The following ARRDC2 variants were observed in gnomAD, a reference collection of about 807,000 sequenced individuals.
ARRDC2 encodes arrestin domain-containing protein 2.
ARRDC2 carries 39 observed loss-of-function variants against 38.9 expected under a neutral mutation model. The ratio of observed to expected loss-of-function variants is 1.00; its 90% CI spans 0.78 to 1.31. ARRDC2 has a LOEUF of 1.31. Ranked by LOEUF, ARRDC2 falls within the 50% of genes most tolerant of loss-of-function variation. The pLI is 0.00. For synonymous variants in ARRDC2, 300 were observed against 261.9 expected (o/e 1.15, Z -1.41); for missense variants, 553 against 588.4 (o/e 0.94, Z 0.62).
upstream of ARRDC2, among the ~76,000 whole-genome samples, chr19:18,005,790 C>T (rs1185059744): frequency 6.6e-5 from 10 of 151,652 alleles, no homozygotes; most frequent in African/African-American, 1.7e-4. Context: ...CCCTCCTGGA[C>T]GGGGTGGCTG....
In ARRDC2 at chr19:18,010,336, G is replaced by C; in HGVS notation, c.990G>C (p.Gly330=). ...HASFLLDWRL[G]ALPERPEAPP... ...GCTTCCTGCTGGACTGGAGGCTGGG[G>C]GCCTTGCCGGAGCGGCCTGAGGGTA... Residue 330 remains glycine, a synonymous_variant, in exon 6 of 8, where the codon GGG becomes GGC. Coordinates refer to ENST00000222250, the MANE Select transcript of ARRDC2 (RefSeq NM_015683.2). 6.2e-7 allele frequency: 1 copy of C among 1,611,256 alleles called. No individual in the cohort carries two copies. Among genetic ancestry groups the C allele is most frequent in the Non-Finnish European group, 8.5e-7 (1 of 1,179,962 alleles).
At chr19:18,003,595 G>A (rs2033219068), upstream of ARRDC2, among the ~76,000 whole-genome samples, 2 of 151,830 alleles carry the variant, frequency 1.3e-5, no homozygotes, top group East Asian at 1.9e-4. Flanking sequence ...CGAGTAGCTG[G>A]GATTATAGGT....
upstream of ARRDC2, among the ~76,000 whole-genome samples, chr19:18,006,433 G>C (rs10423375): frequency 0.31 from 47,423 of 152,112 alleles, 8,834 homozygotes; most frequent in African/African-American, 0.53. Flanking sequence ...GAGACCAGCC[G>C]GGCCAACACA....
upstream of ARRDC2, among the ~76,000 whole-genome samples, chr19:18,006,078 GA>G (rs1288902502): frequency 6.6e-6 from 1 of 151,922 alleles, no homozygotes; most frequent in East Asian, 1.9e-4. Context: ...TGGCGGCCGG[GA>G]AGAGGCGCTC....
intron 7 of ARRDC2, among the ~76,000 whole-genome samples, chr19:18,011,952 ATT>A (rs71164342): frequency 2.3e-4 from 23 of 100,750 alleles, no homozygotes; most frequent in African/African-American, 9.4e-4. Flanking sequence ...ATATATATAT[ATT>A]TTTTTTTTTT....
upstream of ARRDC2, among the ~76,000 whole-genome samples, chr19:18,005,868 G>A (rs1283394043): frequency 6.6e-6 from 1 of 151,440 alleles, no homozygotes; most frequent in Non-Finnish European, 1.5e-5. Context: ...TCACTTCTCA[G>A]ACGGGGCGGC....
chr19:18,005,644 G>A (rs971019867), upstream of ARRDC2, among the ~76,000 whole-genome samples: 1 of 150,742 alleles, frequency 6.6e-6, no homozygotes, highest in Admixed American at 6.6e-5. Flanking sequence ...CTCCCTCCCG[G>A]ACGGGGCGGC....
chr19:18,007,263 G>C (rs1487043441), upstream of ARRDC2: 1 of 152,280 alleles, frequency 6.6e-6, no homozygotes, highest in Non-Finnish European at 1.5e-5. Context: ...CCGTCCCGTG[G>C]CCACACCGCA....
intron 1 of ARRDC2, among the ~76,000 whole-genome samples, chr19:18,002,506 A>G (rs961006898): frequency 2.0e-5 from 3 of 152,196 alleles, no homozygotes; most frequent in Admixed American, 1.3e-4. Context: ...CGCCCTGGCT[A>G]TTCCTCCGGG....
chr19:18,007,980 TC>T, upstream of ARRDC2: 1 of 495,940 alleles, frequency 2.0e-6, no homozygotes, highest in Non-Finnish European at 3.3e-6. Flanking sequence ...CTTCAGTTTC[TC>T]CCCGGGGTCC....
At chr19:18,003,374 C>T (rs1412507230), upstream of ARRDC2, among the ~76,000 whole-genome samples, 2 of 151,890 alleles carry the variant, frequency 1.3e-5, no homozygotes, top group South Asian at 4.1e-4. Flanking sequence ...TCAAGTGATT[C>T]TGCAACCTCA....
At chr19:18,007,077 G>A (rs2033294875), upstream of ARRDC2, 1 of 152,694 alleles carries the variant, frequency 6.5e-6, no homozygotes, top group African/African-American at 2.4e-5. Context: ...GGTGGTGGAA[G>A]TCTCCTGAGC....
Position 18,008,367 on chromosome 19 carries a change from C to T in ARRDC2, c.57C>T (p.Gly19=), listed in dbSNP as rs2033326984. 6.3e-7 allele frequency: 1 copy of T among 1,596,448 alleles called. No individual in the cohort carries two copies. Among genetic ancestry groups the T allele is most frequent in the Non-Finnish European group, 8.5e-7 (1 of 1,178,806 alleles). ...TGCAGTTGGACGGCGCGACCGCGGG[C>T]GTCGAGCCCGTGTTTAGCGGCGGCC... ...FSVQLDGATA[G]VEPVFSGGQA... The change falls in exon 1 of 8, where the codon GGC becomes GGT. Residue 19 remains glycine, a synonymous_variant. Transcript: ENST00000222250.
At chr19:18,005,030 ATTG>A (rs1167561259), upstream of ARRDC2, among the ~76,000 whole-genome samples, 21 of 135,308 alleles carry the variant, frequency 1.6e-4, no homozygotes, top group African/African-American at 5.4e-4. Context: ...TTTTTTTTTA[ATTG>A]ATCATTCTTG....
At chr19:18,010,093 C>G in intron 5 of ARRDC2, 54 bp downstream of exon 5, 1 of 1,605,168 alleles carries the variant, frequency 6.2e-7, no homozygotes, top group African/African-American at 1.3e-5. Flanking sequence ...CCTGTATTCC[C>G]TCAGACTGGG....
Position 18,001,724 on chromosome 19 carries a change from C to G in ARRDC2, c.259+151C>G, listed in dbSNP as rs556263977. ...CCCCCTTCCCGGGGTCCTGACCCTCCCACAGGTCAGGAGTTCAAGACTAGC... is the reference window on the plus strand; with the variant it reads ...CCCCCTTCCCGGGGTCCTGACCCTCGCACAGGTCAGGAGTTCAAGACTAGC... On this transcript the variant is annotated intron_variant, in intron 1 of 7. Transcript: ENST00000379656. 104 of 937,130 alleles carry G rather than the reference C, an allele frequency of 1.1e-4. No individual in the cohort carries two copies. The East Asian group carries it at 3.4e-3, about 31-fold the overall frequency. The allele number at this position is 937,130 out of a possible 1,614,324, so 58.1% of individuals were successfully genotyped here. A position where few individuals can be genotyped will look rare whatever the true frequency, so the allele number is the denominator to read the frequency against.
chr19:18,008,851 C>G lies in ARRDC2; in HGVS notation c.341+74C>G, dbSNP rs1473447624. The G allele has an allele frequency of 1.1e-5, 17 of 1,593,550 alleles. No individual in the cohort carries two copies. The East Asian group carries it at 2.7e-4, about 25-fold the overall frequency. ...GATTGGTACCTCCAATACTGGATAT[C>G]TGGGCACCTCTGAGCCCCAAGACTC... On this transcript the variant is annotated intron_variant, in intron 2 of 7. Coordinates refer to ENST00000222250, the MANE Select transcript of ARRDC2 (RefSeq NM_015683.2).
At chr19:18,011,123 G>T (rs937337490) in intron 7 of ARRDC2, among the ~76,000 whole-genome samples, 7 of 152,076 alleles carry the variant, frequency 4.6e-5, no homozygotes, top group Admixed American at 3.3e-4. Flanking sequence ...TCAGCCTTCC[G>T]AGTAGCTGGG....
rs772196595 is a variant in ARRDC2, at chr19:18,010,564, G to A, written c.1013-8G>A. 1.1e-5 allele frequency: 18 copies of A among 1,613,146 alleles called. No individual in the cohort carries two copies. The highest frequency in any genetic ancestry group is 6.7e-5 in the Admixed American group (4 of 60,022). On this transcript the variant is annotated splice_polypyrimidine_tract_variant and splice_region_variant and intron_variant, in intron 6 of 7. Transcript: ENST00000222250. ...GCCAACCTCACCCACCCTGTCTCTCGCTTCCAGCTCCTCCTGAGTACTCGG... is the reference window on the plus strand; with the variant it reads ...GCCAACCTCACCCACCCTGTCTCTCACTTCCAGCTCCTCCTGAGTACTCGG...
Sources: gnomAD v4.1 joint callset for allele counts (sites outside exome capture counted in the v4.1 genomes callset) on GRCh38, gnomAD v4.1.1 for gene constraint, MANE v1.5 for transcripts, NCBI Gene and HGNC (gene_info 2026-07-23, HGNC 2026-07-21) for gene names.